SUMF1: variants seen among roughly 807,000 people sequenced by gnomAD.
SUMF1 encodes the protein sulfatase modifying factor 1.
A neutral mutation model predicts 47.6 loss-of-function variants in SUMF1; 48 were observed. That is an observed-to-expected ratio of 1.01 (90% CI 0.80 to 1.28). The LOEUF (loss-of-function observed/expected upper bound fraction) is 1.28. SUMF1 is among the 50% of genes most tolerant of loss of function. The pLI is 0.00. For synonymous variants in SUMF1, 230 were observed against 192.1 expected (o/e 1.20, Z -1.63); for missense variants, 571 against 485.4 (o/e 1.18, Z -1.66).
At chr3:4,097,086 G>C (rs1033112719) in intron 8 of SUMF1, among the ~76,000 whole-genome samples, 4 of 152,088 alleles carry the variant, frequency 2.6e-5, no homozygotes, top group African/African-American at 9.7e-5. Flanking sequence ...TTCTGGTTTA[G>C]TCAACAAGAC....
intron 8 of SUMF1, among the ~76,000 whole-genome samples, chr3:4,271,474 GATA>G (rs1315232399): frequency 5.3e-5 from 4 of 74,950 alleles, no homozygotes; most frequent in African/African-American, 2.5e-4. Context: ...TCTATAGATA[GATA>G]GATAGATAGA....
intron 2 of SUMF1, among the ~76,000 whole-genome samples, chr3:4,450,543 C>G (rs974343826): frequency 5.3e-5 from 8 of 152,114 alleles, no homozygotes; most frequent in Non-Finnish European, 1.0e-4. Context: ...GTATCAAACA[C>G]CTACCATGTG....
intron 8 of SUMF1, among the ~76,000 whole-genome samples, chr3:4,090,150 T>C (rs1030830412): frequency 1.3e-5 from 2 of 152,088 alleles, no homozygotes; most frequent in African/African-American, 4.8e-5. Flanking sequence ...ATGAATAATA[T>C]GTAATTTGAG....
intron 8 of SUMF1, among the ~76,000 whole-genome samples, chr3:4,286,566 T>A (rs1697637127): frequency 6.6e-6 from 1 of 152,174 alleles, no homozygotes; most frequent in Non-Finnish European, 1.5e-5. Flanking sequence ...TTGTTTAAAT[T>A]TCATTTTCAT....
intron 8 of SUMF1, among the ~76,000 whole-genome samples, chr3:4,144,150 A>G (rs915223393): frequency 7.9e-5 from 12 of 151,584 alleles, no homozygotes; most frequent in South Asian, 4.2e-4. Context: ...ATTTTTTCGT[A>G]GAGACGGGGT....
chr3:4,467,261 A>T lies in SUMF1; in HGVS notation c.-16T>A. On this transcript the variant is annotated 5_prime_UTR_variant, in exon 1 of 9. The change abolishes an upstream ATG in the 5' untranslated region. Transcript: ENST00000272902. ...GCGCAGCCATGTTGTCCCGCGGGCC[A>T]TGTGACCCGGTTGGTCACGTGGCTG... The T allele has an allele frequency of 6.2e-7, 1 of 1,604,336 alleles. No individual in the cohort carries two copies. The highest frequency in any genetic ancestry group is 8.5e-7 in the Non-Finnish European group (1 of 1,176,050).
At chr3:4,350,728 C>G (rs1031148971) in intron 8 of SUMF1, among the ~76,000 whole-genome samples, 2 of 151,992 alleles carry the variant, frequency 1.3e-5, no homozygotes, top group East Asian at 1.9e-4. Context: ...TTCCAGAGCT[C>G]TCTTCACCTC....
At chr3:4,400,762 C>T (rs1701183357) in intron 7 of SUMF1, among the ~76,000 whole-genome samples, 1 of 152,146 alleles carries the variant, frequency 6.6e-6, no homozygotes, top group Non-Finnish European at 1.5e-5. Context: ...AAGGATTTCA[C>T]CCCCTGGCCC....
chr3:4,095,921 CA>C (rs1433009752), intron 8 of SUMF1, among the ~76,000 whole-genome samples: 1 of 152,074 alleles, frequency 6.6e-6, no homozygotes, highest in Non-Finnish European at 1.5e-5. Flanking sequence ...AATACAGACA[CA>C]TTTTTTTTCT....
chr3:4,412,175 T>C (rs1701564492), intron 6 of SUMF1, among the ~76,000 whole-genome samples: 2 of 152,230 alleles, frequency 1.3e-5, no homozygotes, highest in Non-Finnish European at 2.9e-5. Flanking sequence ...AGTAATTCCA[T>C]GCACAGTGAC....
rs115909265 is a variant in SUMF1 at position 4,398,607 on chromosome 3, A to G, written c.954+12258T>C. 8.6e-4 allele frequency among the ~76,000 whole-genome samples: 131 copies of G among 152,316 alleles called. 1 individual carries two copies. Among genetic ancestry groups the G allele is most frequent in the African/African-American group, 3.0e-3 (125 of 41,586 alleles). On this transcript the variant is annotated intron_variant, in intron 7 of 8. Coordinates refer to ENST00000272902, the MANE Select transcript of SUMF1 (RefSeq NM_182760.4). Reference sequence around the variant, plus strand: ...CTCATTAACAAGTCAGACGTCAGATACAAAAACTAGCTTGCCAAATCAATA... The same window carrying G: ...CTCATTAACAAGTCAGACGTCAGATGCAAAAACTAGCTTGCCAAATCAATA...
At chr3:4,141,104 G>C (rs1463504882) in intron 8 of SUMF1, among the ~76,000 whole-genome samples, 1 of 152,116 alleles carries the variant, frequency 6.6e-6, no homozygotes, top group East Asian at 1.9e-4. Context: ...ACTGTTATGA[G>C]AATAGGTCAA....
In SUMF1 at chr3:4,270,923, C is replaced by T. The variant is rs977289104; in HGVS notation, c.1014+105407G>A. Among the ~76,000 whole-genome samples the T allele has an allele frequency of 3.9e-5, 6 of 152,136 alleles. No homozygotes were observed. In the South Asian group the frequency reaches 8.3e-4, roughly 21 times the overall value. ...CAAAGTGAAACCAAATCATGTAAAA[C>T]GGAAACTGGTCAATTAGCTCTGACT... On this transcript the variant is annotated intron_variant and NMD_transcript_variant, in intron 8 of 12. Transcript: ENST00000448413.
chr3:4,099,722 C>A (rs1036854960), intron 8 of SUMF1, among the ~76,000 whole-genome samples: 3 of 151,946 alleles, frequency 2.0e-5, no homozygotes, highest in Non-Finnish European at 2.9e-5. Flanking sequence ...AGACTCCACA[C>A]CCAAAACCTA....
At chr3:4,044,515 G>T (rs111302595) in intron 9 of SUMF1, among the ~76,000 whole-genome samples, 4 of 152,172 alleles carry the variant, frequency 2.6e-5, no homozygotes. Flanking sequence ...AAATTTTATG[G>T]CATTTTGGCT....
At chr3:4,356,152 A>C (rs1391227850), downstream of SUMF1, among the ~76,000 whole-genome samples, 1 of 152,214 alleles carries the variant, frequency 6.6e-6, no homozygotes, top group Non-Finnish European at 1.5e-5. Context: ...ATGGTGTTTT[A>C]AGCATTTGAA....
intron 9 of SUMF1, among the ~76,000 whole-genome samples, chr3:4,037,065 T>C (rs1694814052): frequency 1.3e-5 from 2 of 152,016 alleles, no homozygotes; most frequent in African/African-American, 4.8e-5. Flanking sequence ...GAGAAACAAA[T>C]AAATTCAAGT....
Position 4,106,157 on chromosome 3 carries a change from G to A in SUMF1, c.1015-37412C>T, listed in dbSNP as rs536995220. ...TTAGGAGAATTTCTGTAGGGTTCCC[G>A]TGGCATTGCTGGGCCATAAAAAACA... On this transcript the variant is annotated intron_variant and NMD_transcript_variant, in intron 8 of 12. Transcript: ENST00000448413. 7.9e-5 allele frequency among the ~76,000 whole-genome samples: 12 copies of A among 152,002 alleles called. No individual in the cohort carries two copies. In the South Asian group the frequency reaches 1.0e-3, roughly 13 times the overall value.
At position 4,055,181 on chromosome 3, in the gene SUMF1, A is replaced by G. The variant is rs78843625; in HGVS notation, c.1191+13388T>C. Among the ~76,000 whole-genome samples the G allele has an allele frequency of 5.6e-3, 852 of 152,302 alleles. 4 individuals carry two copies. Among genetic ancestry groups the G allele is most frequent in the African/African-American group, 0.014 (590 of 41,576 alleles). The stretch of plus-strand genomic sequence containing the variant: ...GCGTTAAGAATAGTTGAAAAGTACT[A>G]TGGTACAAATGATGATATGGCATAA... On this transcript the variant is annotated intron_variant and NMD_transcript_variant, in intron 9 of 12. Transcript: ENST00000448413.
Sources: allele counts gnomAD v4.1 joint callset (sites outside exome capture counted in the v4.1 genomes callset), GRCh38; gene constraint gnomAD v4.1.1; transcripts MANE v1.5; gene names NCBI Gene and HGNC (gene_info 2026-07-23, HGNC 2026-07-21).